The following DLGAP2 variants were observed in gnomAD, a reference collection of about 807,000 sequenced individuals.
The protein encoded by DLGAP2 is disks large-associated protein 2.
In DLGAP2, 26 loss-of-function variants were observed where a neutral mutation model predicts 100.3. The ratio of observed to expected loss-of-function variants is 0.26; its 90% CI spans 0.19 to 0.36. The LOEUF (loss-of-function observed/expected upper bound fraction) is 0.36. Among genes scored for constraint, DLGAP2 ranks in the 10% least tolerant of loss-of-function variants. The pLI is 1.00. For synonymous variants in DLGAP2, 886 were observed against 630.1 expected (o/e 1.41, Z -6.08); for missense variants, 1,858 against 1,453.2 (o/e 1.28, Z -4.53).
At chr8:1,494,444 C>A (rs1320579506) in intron 3 of DLGAP2, among the ~76,000 whole-genome samples, 2 of 152,184 alleles carry the variant, frequency 1.3e-5, no homozygotes, top group African/African-American at 2.4e-5. Flanking sequence ...AAATGAGGGG[C>A]CACTTGGGCA....
intron 3 of DLGAP2, among the ~76,000 whole-genome samples, chr8:1,271,153 C>T (rs557046224): frequency 1.3e-5 from 2 of 151,938 alleles, no homozygotes; most frequent in African/African-American, 4.8e-5. Flanking sequence ...ATCATAAACC[C>T]ACAAAAAAGA....
intron 3 of DLGAP2, among the ~76,000 whole-genome samples, chr8:1,323,580 C>T (rs1800955219): frequency 1.3e-5 from 2 of 152,198 alleles, no homozygotes; most frequent in South Asian, 2.1e-4. Context: ...GAACGTGGGG[C>T]AGGCAGCAGC....
chr8:789,420 A>G (rs1302362740), intron 1 of DLGAP2, among the ~76,000 whole-genome samples: 2 of 152,140 alleles, frequency 1.3e-5, no homozygotes, highest in South Asian at 2.1e-4. Context: ...CTCACTCACT[A>G]TCACAAGAAC....
chr8:1,020,429 G>C (rs1190635404), intron 2 of DLGAP2, among the ~76,000 whole-genome samples: 1 of 152,174 alleles, frequency 6.6e-6, no homozygotes, highest in Non-Finnish European at 1.5e-5. Context: ...TGTAGTAAGG[G>C]CTGAGGCATT....
At chr8:1,565,398 T>C in intron 5 of DLGAP2, 1 of 346,574 alleles carries the variant, frequency 2.9e-6, no homozygotes, top group Non-Finnish European at 5.1e-6. Flanking sequence ...AGCCAGTGCT[T>C]TGTCCCAGCT....
At chr8:1,597,664 C>G (rs898809559) in intron 6 of DLGAP2, among the ~76,000 whole-genome samples, 3 of 152,252 alleles carry the variant, frequency 2.0e-5, no homozygotes, top group Admixed American at 6.5e-5. Context: ...ATTTGGCTCT[C>G]TGTTTGTCTG....
chr8:1,316,816 T>G (rs117232526), intron 3 of DLGAP2, among the ~76,000 whole-genome samples: 6,165 of 140,884 alleles, frequency 0.044, 375 homozygotes, highest in Middle Eastern at 0.12. Flanking sequence ...CGGTAGCGTT[T>G]AAAAATAGAG....
intron 6 of DLGAP2, among the ~76,000 whole-genome samples, chr8:1,603,233 T>A (rs183173962): frequency 6.8e-6 from 1 of 147,530 alleles, no homozygotes; most frequent in East Asian, 2.1e-4. Context: ...AGGCTGGGTC[T>A]CAGTTCTACA....
intron 2 of DLGAP2, among the ~76,000 whole-genome samples, chr8:986,546 T>C (rs1475362132): frequency 6.6e-6 from 1 of 152,044 alleles, no homozygotes; most frequent in Non-Finnish European, 1.5e-5. Flanking sequence ...TTCTTCCAAT[T>C]ACTGAGAGAG....
intron 4 of DLGAP2, among the ~76,000 whole-genome samples, chr8:1,519,685 T>G (rs138622996): frequency 2.6e-5 from 4 of 152,312 alleles, no homozygotes; most frequent in African/African-American, 9.6e-5. Context: ...AGTCCAGAAC[T>G]CATTGTGGGC....
chr8:788,302 TAGC>T (rs143258687), intron 1 of DLGAP2, among the ~76,000 whole-genome samples: 1 of 152,324 alleles, frequency 6.6e-6, no homozygotes, highest in Non-Finnish European at 1.5e-5. Flanking sequence ...CTGGTCGAGA[TAGC>T]AGCATTCAGT....
intron 3 of DLGAP2, among the ~76,000 whole-genome samples, chr8:1,488,843 G>A (rs1799297125): frequency 6.6e-6 from 1 of 152,180 alleles, no homozygotes. Flanking sequence ...GCTGACTCTT[G>A]TCCTGCAGAT....
At chr8:1,485,127 C>A (rs1180642277) in intron 3 of DLGAP2, among the ~76,000 whole-genome samples, 2 of 152,190 alleles carry the variant, frequency 1.3e-5, no homozygotes, top group Non-Finnish European at 2.9e-5. Flanking sequence ...CAGAAACAAG[C>A]TTGGAAATTG....
chr8:1,178,917 C>T (rs536397430), intron 2 of DLGAP2, among the ~76,000 whole-genome samples: 263 of 152,304 alleles, frequency 1.7e-3, no homozygotes, highest in African/African-American at 6.1e-3. Flanking sequence ...GCCCCTTCAG[C>T]CTGGGCACAC....
At chr8:1,026,754 A>G (rs1465508368) in intron 2 of DLGAP2, among the ~76,000 whole-genome samples, 2 of 152,234 alleles carry the variant, frequency 1.3e-5, no homozygotes, top group African/African-American at 4.8e-5. Context: ...CATGCAAAAC[A>G]GCATTGAGTG....
At chr8:1,695,310 T>C (rs1451456864) in intron 13 of DLGAP2, among the ~76,000 whole-genome samples, 3 of 124,066 alleles carry the variant, frequency 2.4e-5, no homozygotes, top group South Asian at 5.2e-4. Flanking sequence ...TGCCCGGCCC[T>C]ACAGAAAGGG....
chr8:935,507 T>A (rs544849240), intron 2 of DLGAP2, among the ~76,000 whole-genome samples: 3 of 152,356 alleles, frequency 2.0e-5, no homozygotes, highest in African/African-American at 7.2e-5. Context: ...TTAAAATTAA[T>A]CTCACCTGTT....
At chr8:1,483,352 G>A (rs1264980228) in intron 3 of DLGAP2, among the ~76,000 whole-genome samples, 2 of 152,318 alleles carry the variant, frequency 1.3e-5, no homozygotes, top group African/African-American at 4.8e-5. Flanking sequence ...GCGTGAGGCC[G>A]CGGTGTGTTT....
At chr8:1,051,944 C>T (rs4565481) in intron 2 of DLGAP2, among the ~76,000 whole-genome samples, 42,974 of 152,010 alleles carry the variant, frequency 0.28, 6,877 homozygotes, top group Middle Eastern at 0.38. Flanking sequence ...CATCTATAAG[C>T]CTATTAATTT....
Sources: gnomAD v4.1 joint callset for allele counts (sites outside exome capture counted in the v4.1 genomes callset) on GRCh38, gnomAD v4.1.1 for gene constraint, MANE v1.5 for transcripts, NCBI Gene and HGNC (gene_info 2026-07-23, HGNC 2026-07-21) for gene names.